PARD3: variants seen among roughly 807,000 people sequenced by gnomAD.
PARD3 encodes partitioning defective 3 homolog.
A neutral mutation model predicts 155.4 loss-of-function variants in PARD3; 75 were observed. That is an observed-to-expected ratio of 0.48 (90% CI 0.40 to 0.58). The LOEUF is 0.58. PARD3 is among the 20% of genes least tolerant of loss of function. The pLI is 0.00. For synonymous variants in PARD3, 576 were observed against 610.5 expected (o/e 0.94, Z 0.83); for missense variants, 1,642 against 1,721.7 (o/e 0.95, Z 0.82).
At chr10:34,484,460 CT>C (rs1014078364) in intron 3 of PARD3, among the ~76,000 whole-genome samples, 4 of 152,220 alleles carry the variant, frequency 2.6e-5, no homozygotes, top group Admixed American at 2.6e-4. Context: ...CATAGGCAAT[CT>C]TTTGACAGGA....
rs76674477 is a variant in PARD3 at position 34,111,742 on chromosome 10, C to T, written c.3669-180G>A. Among the ~76,000 whole-genome samples the T allele has an allele frequency of 5.6e-3, 860 of 152,292 alleles. 4 individuals are homozygous for T. Among genetic ancestry groups the T allele is most frequent in the Non-Finnish European group, 8.3e-3 (563 of 68,026 alleles). On this transcript the variant is annotated intron_variant, in intron 24 of 24. Coordinates refer to ENST00000374788, the MANE Select transcript of PARD3 (RefSeq NM_001184785.2). ...TTCAAAAATGACTGTCCTCAGCAAGCGCATAGTCTTAGACAACTAAACTAA... is the reference window on the plus strand; with the variant it reads ...TTCAAAAATGACTGTCCTCAGCAAGTGCATAGTCTTAGACAACTAAACTAA...
chr10:34,273,402 CAT>C, intron 21 of PARD3, among the ~76,000 whole-genome samples: 1 of 152,278 alleles, frequency 6.6e-6, no homozygotes, highest in Non-Finnish European at 1.5e-5. Context: ...TCTCACAGGT[CAT>C]ATATGATTTC....
At chr10:34,776,978 A>G (rs1038525473) in intron 1 of PARD3, among the ~76,000 whole-genome samples, 14 of 149,642 alleles carry the variant, frequency 9.4e-5, no homozygotes, top group African/African-American at 3.0e-4. Context: ...CTGGACTTAC[A>G]GGCATGTGCC....
intron 20 of PARD3, among the ~76,000 whole-genome samples, chr10:34,288,313 G>C (rs1956501459): frequency 6.6e-6 from 1 of 152,104 alleles, no homozygotes; most frequent in South Asian, 2.1e-4. Flanking sequence ...AATTGCTTTA[G>C]TTAATAAATT....
chr10:34,271,188 A>C (rs1377971034), intron 21 of PARD3, among the ~76,000 whole-genome samples: 1 of 152,180 alleles, frequency 6.6e-6, no homozygotes, highest in Non-Finnish European at 1.5e-5. Flanking sequence ...ACATATATTC[A>C]AAAGAATTCA....
At chr10:34,191,955 A>T (rs913042648) in intron 22 of PARD3, among the ~76,000 whole-genome samples, 1 of 152,242 alleles carries the variant, frequency 6.6e-6, no homozygotes, top group Admixed American at 6.5e-5. Flanking sequence ...ACACGGGCTC[A>T]GCTGAAATTG....
chr10:34,798,708 A>T (rs77208337), intron 1 of PARD3, among the ~76,000 whole-genome samples: 6 of 148,776 alleles, frequency 4.0e-5, no homozygotes, highest in Non-Finnish European at 9.0e-5. Flanking sequence ...CTGTCTCCAA[A>T]AAAAAAAAAA....
chr10:34,580,026 G>C (rs960501732), intron 2 of PARD3, among the ~76,000 whole-genome samples: 1 of 152,000 alleles, frequency 6.6e-6, no homozygotes, highest in Non-Finnish European at 1.5e-5. Context: ...CAATTCTCCT[G>C]TCTCAGCCTC....
At chr10:34,567,225 A>T (rs2086026161) in intron 2 of PARD3, among the ~76,000 whole-genome samples, 1 of 152,224 alleles carries the variant, frequency 6.6e-6, no homozygotes, top group South Asian at 2.1e-4. Context: ...CAAAGTACTG[A>T]TATCAACATT....
chr10:34,729,679 A>C (rs1465718791), intron 1 of PARD3, among the ~76,000 whole-genome samples: 1 of 152,216 alleles, frequency 6.6e-6, no homozygotes, highest in Non-Finnish European at 1.5e-5. Context: ...CAGTAAATGA[A>C]CCTGACAAGT....
At chr10:34,261,781 A>AAAAGAAAGAAAGAAAGAAAG (rs1158080569) in intron 22 of PARD3, among the ~76,000 whole-genome samples, 1,558 of 131,822 alleles carry the variant, frequency 0.012, 17 homozygotes, top group Non-Finnish European at 0.017. Context: ...AGAAAGAAAG[A>AAAAGAAAGAAAGAAAGAAAG]AAAGAAAGAA....
At chr10:34,577,737 C>T (rs2134219066) in intron 2 of PARD3, among the ~76,000 whole-genome samples, 1 of 152,276 alleles carries the variant, frequency 6.6e-6, no homozygotes, top group South Asian at 2.1e-4. Context: ...TGCACGTGTG[C>T]ACAGGCACAC....
At chr10:34,418,513 G>A (rs1845887142) in intron 5 of PARD3, among the ~76,000 whole-genome samples, 1 of 152,058 alleles carries the variant, frequency 6.6e-6, no homozygotes, top group South Asian at 2.1e-4. Context: ...TTTCCAATGG[G>A]AATGTGAAAT....
intron 3 of PARD3, among the ~76,000 whole-genome samples, chr10:34,493,787 A>C (rs939284850): frequency 6.6e-6 from 1 of 152,106 alleles, no homozygotes; most frequent in Non-Finnish European, 1.5e-5. Context: ...TTCCAACTAA[A>C]CTATATTAAA....
intron 22 of PARD3, among the ~76,000 whole-genome samples, chr10:34,256,313 T>C (rs1413423864): frequency 6.6e-6 from 1 of 152,210 alleles, no homozygotes; most frequent in African/African-American, 2.4e-5. Flanking sequence ...ACTCTGCAGC[T>C]TTGGTCATGA....
intron 2 of PARD3, among the ~76,000 whole-genome samples, chr10:34,621,706 T>C (rs1358376330): frequency 6.6e-6 from 1 of 152,254 alleles, no homozygotes; most frequent in Non-Finnish European, 1.5e-5. Context: ...GATATTGTTA[T>C]TGTTCTCTAC....
intron 1 of PARD3, among the ~76,000 whole-genome samples, chr10:34,710,511 T>C (rs1005393814): frequency 2.0e-5 from 3 of 152,190 alleles, no homozygotes; most frequent in African/African-American, 7.2e-5. Context: ...TGCCACATCT[T>C]GCTACATTTA....
chr10:34,171,325 AG>A (rs991289049), intron 22 of PARD3, among the ~76,000 whole-genome samples: 13 of 152,174 alleles, frequency 8.5e-5, no homozygotes, highest in Non-Finnish European at 1.6e-4. Flanking sequence ...ACATAGAGAG[AG>A]GCTTTTGCAG....
intron 5 of PARD3, among the ~76,000 whole-genome samples, chr10:34,429,832 G>A (rs912918007): frequency 3.3e-4 from 50 of 152,194 alleles, no homozygotes; most frequent in Non-Finnish European, 5.7e-4. Context: ...TGATCCGCCC[G>A]CCTCGGCCTC....
Sources: gnomAD v4.1 joint callset for allele counts (sites outside exome capture counted in the v4.1 genomes callset) on GRCh38, gnomAD v4.1.1 for gene constraint, MANE v1.5 for transcripts, NCBI Gene and HGNC (gene_info 2026-07-23, HGNC 2026-07-21) for gene names.